Variants in NRG1 observed in about 807,000 individuals in gnomAD.
NRG1 encodes neuregulin 1.
In NRG1, 18 loss-of-function variants were observed where a neutral mutation model predicts 63.8. The observed-to-expected ratio is 0.28, with a 90% CI of 0.19 to 0.42. The LOEUF is 0.42. NRG1 is among the 10% of genes least tolerant of loss of function. The pLI, the probability that NRG1 is intolerant of heterozygous loss-of-function variation, is 1.00. For synonymous variants in NRG1, 302 were observed against 301.3 expected (o/e 1.00, Z -0.02); for missense variants, 762 against 814.7 (o/e 0.94, Z 0.79).
At chr8:31,705,231 AGAGTT>A (rs1421459832) in intron 1 of NRG1, among the ~76,000 whole-genome samples, 5 of 151,908 alleles carry the variant, frequency 3.3e-5, no homozygotes, top group Admixed American at 3.3e-4. Context: ...TATTTTTAGT[AGAGTT>A]GGGGTTTCAC....
rs181404894 is a variant in NRG1 at position 31,818,365 on chromosome 8, G to A, written c.37+178934G>A. Among the ~76,000 whole-genome samples, 291 of 152,184 alleles carry A rather than the reference G, an allele frequency of 1.9e-3. 2 individuals are homozygous for A. The highest frequency in any genetic ancestry group is 2.9e-3 in the Non-Finnish European group (198 of 68,006). ...ACGGTCTTGTGTACACATTACATGA[G>A]GGAAATAGTACTTTAACATTTTACA... On this transcript the variant is annotated intron_variant, in intron 1 of 10. Coordinates refer to the NRG1 transcript ENST00000519301.
chr8:32,007,585 G>A (rs1171703790), intron 1 of NRG1, among the ~76,000 whole-genome samples: 1 of 152,088 alleles, frequency 6.6e-6, no homozygotes, highest in Non-Finnish European at 1.5e-5. Context: ...TTGAATAGGT[G>A]TAATTATTCA....
At chr8:31,832,973 A>T (rs78586239) in intron 1 of NRG1, among the ~76,000 whole-genome samples, 1,751 of 152,290 alleles carry the variant, frequency 0.011, 38 homozygotes, top group African/African-American at 0.04. Context: ...CCAAGGACAG[A>T]TGCAAAATTT....
At chr8:32,110,979 A>C (rs760632096) in intron 1 of NRG1, among the ~76,000 whole-genome samples, 21 of 152,184 alleles carry the variant, frequency 1.4e-4, no homozygotes, top group Non-Finnish European at 2.6e-4. Context: ...TCGAGTAAGC[A>C]ACGTTTCCTA....
At chr8:32,022,140 C>T (rs568428406) in intron 1 of NRG1, among the ~76,000 whole-genome samples, 4 of 152,212 alleles carry the variant, frequency 2.6e-5, no homozygotes, top group South Asian at 4.1e-4. Context: ...TTTAATCTCA[C>T]GACTGTTATT....
chr8:32,322,149 A>T (rs1475484515), intron 1 of NRG1, among the ~76,000 whole-genome samples: 1 of 151,910 alleles, frequency 6.6e-6, no homozygotes, highest in African/African-American at 2.4e-5. Context: ...GTGAATGGCC[A>T]CTGTACTCCA....
chr8:32,024,954 C>T (rs986646494), intron 1 of NRG1, among the ~76,000 whole-genome samples: 2 of 152,054 alleles, frequency 1.3e-5, no homozygotes, highest in Admixed American at 1.3e-4. Flanking sequence ...GTATCTATGT[C>T]TACGTATATA....
chr8:32,566,434 T>C (rs190334884), intron 1 of NRG1, among the ~76,000 whole-genome samples: 1 of 152,040 alleles, frequency 6.6e-6, no homozygotes, highest in East Asian at 1.9e-4. Context: ...GGTTCTTTAC[T>C]CCTTTTGGGG....
Position 31,882,704 on chromosome 8 carries a change from G to A in NRG1, c.37+243273G>A, listed in dbSNP as rs184565389. Among the ~76,000 whole-genome samples, 82 of 152,102 alleles carry A rather than the reference G, an allele frequency of 5.4e-4. 1 individual carries two copies. Among genetic ancestry groups the A allele is most frequent in the African/African-American group, 1.7e-3 (69 of 41,514 alleles). On this transcript the variant is annotated intron_variant, in intron 1 of 10. Transcript: ENST00000519301. ...CAGGAGTTTTGAAGAAGTTGATTCC[G>A]GTCCTCACAGATGACTTTGAGGAGT...
chr8:32,377,550 C>A lies in NRG1; in HGVS notation c.38-218278C>A, dbSNP rs190682668. On this transcript the variant is annotated intron_variant, in intron 1 of 10. Coordinates refer to the NRG1 transcript ENST00000519301. Reference sequence around the variant, plus strand: ...CACAAAAACACATCATCAATTAGATCCCCAGAGTCATGAACCAAAACAGTT... The same window carrying A: ...CACAAAAACACATCATCAATTAGATACCCAGAGTCATGAACCAAAACAGTT... Among the ~76,000 whole-genome samples, 12 of 152,208 alleles carry A rather than the reference C, an allele frequency of 7.9e-5. No individual in the cohort carries two copies. In the East Asian group the frequency reaches 2.3e-3, roughly 29 times the overall value.
At chr8:32,047,170 A>G (rs1409345847) in intron 1 of NRG1, among the ~76,000 whole-genome samples, 1 of 152,054 alleles carries the variant, frequency 6.6e-6, no homozygotes, top group Non-Finnish European at 1.5e-5. Flanking sequence ...TGAGACCAGC[A>G]GCATATCTGG....
At chr8:31,804,109 C>A (rs1460037547) in intron 1 of NRG1, among the ~76,000 whole-genome samples, 2 of 152,092 alleles carry the variant, frequency 1.3e-5, no homozygotes, top group African/African-American at 4.8e-5. Context: ...TTGCAAAGTC[C>A]CTGAGGGCAG....
At chr8:32,585,513 ACAACATTAATCCATTAAGC>A (rs1841448464) in intron 1 of NRG1, among the ~76,000 whole-genome samples, 1 of 152,216 alleles carries the variant, frequency 6.6e-6, no homozygotes, top group Non-Finnish European at 1.5e-5. Flanking sequence ...CCTCGAAAGA[ACAACATTAATCCATTAAGC>A]CACTTTTGTT....
At chr8:32,414,710 C>T (rs560339721) in intron 1 of NRG1, among the ~76,000 whole-genome samples, 1 of 152,256 alleles carries the variant, frequency 6.6e-6, no homozygotes, top group South Asian at 2.1e-4. Context: ...AAGTTTCAAA[C>T]CTCTATTGCA....
chr8:32,098,414 G>T (rs1206013701), intron 1 of NRG1, among the ~76,000 whole-genome samples: 1 of 152,170 alleles, frequency 6.6e-6, no homozygotes, highest in Non-Finnish European at 1.5e-5. Context: ...GTTAAACAAG[G>T]TCTCAGAAAT....
intron 1 of NRG1, among the ~76,000 whole-genome samples, chr8:32,453,669 C>G (rs1369532422): frequency 6.6e-6 from 1 of 152,158 alleles, no homozygotes; most frequent in Admixed American, 6.6e-5. Context: ...AAATTTTAGG[C>G]AACAGACAGT....
At position 32,721,407 on chromosome 8, in the gene NRG1, A is replaced by G. The variant is rs570086984; in HGVS notation, c.503-6542A>G. Among the ~76,000 whole-genome samples, 57 of 152,234 alleles carry G rather than the reference A, an allele frequency of 3.7e-4. No individual in the cohort carries two copies. The South Asian group carries it at 0.012, about 31-fold the overall frequency. On this transcript the variant is annotated intron_variant, in intron 5 of 11. Coordinates refer to ENST00000356819, the Ensembl canonical transcript of NRG1. ...CCTTGTAGGAAGTCTACAAACCTCT[A>G]AGTGCTCCCAGCGTATTAGCTAAGT...
intron 3 of NRG1, among the ~76,000 whole-genome samples, chr8:32,612,827 C>A (rs1261647286): frequency 2.0e-5 from 3 of 151,980 alleles, no homozygotes; most frequent in Non-Finnish European, 2.9e-5. Context: ...GTTGTAATGT[C>A]ATTGATGAAT....
chr8:32,152,635 A>C (rs58679783), intron 1 of NRG1, among the ~76,000 whole-genome samples: 1,998 of 152,300 alleles, frequency 0.013, 53 homozygotes, highest in African/African-American at 0.045. Flanking sequence ...TTACAGGAAG[A>C]CATTATGTTT....
Sources: gnomAD v4.1 joint callset for allele counts (sites outside exome capture counted in the v4.1 genomes callset) on GRCh38, gnomAD v4.1.1 for gene constraint, MANE v1.5 for transcripts, NCBI Gene and HGNC (gene_info 2026-07-23, HGNC 2026-07-21) for gene names.